The following ATRNL1 variants were observed in gnomAD, a reference collection of about 807,000 sequenced individuals.
The protein encoded by ATRNL1 is attractin-like protein 1.
A neutral mutation model predicts 182.7 loss-of-function variants in ATRNL1; 95 were observed. The observed-to-expected ratio is 0.52, with a 90% CI of 0.44 to 0.62. The LOEUF (loss-of-function observed/expected upper bound fraction) is 0.62. Ranked by LOEUF, ATRNL1 falls within the 20% of genes least tolerant of loss-of-function variation. The probability of loss-of-function intolerance (pLI) is 0.00; values close to 1 mark genes in which losing one functional copy is unlikely to be tolerated. For missense variants in ATRNL1, 1,471 were observed against 1,679.5 expected (o/e 0.88, Z 2.17); for synonymous variants, 576 against 568.3 (o/e 1.01, Z -0.19).
At chr10:115,935,466 CT>C (rs1411642090) in intron 28 of ATRNL1, among the ~76,000 whole-genome samples, 1 of 151,962 alleles carries the variant, frequency 6.6e-6, no homozygotes, top group Non-Finnish European at 1.5e-5. Flanking sequence ...TTTTGTTTTT[CT>C]TTTTCTTCTG....
intron 26 of ATRNL1, among the ~76,000 whole-genome samples, chr10:115,688,265 G>T (rs1365343925): frequency 6.6e-6 from 1 of 152,088 alleles, no homozygotes; most frequent in African/African-American, 2.4e-5. Flanking sequence ...CACGAACATT[G>T]CTGGCAGTAA....
chr10:115,807,217 G>A (rs1025789964), intron 27 of ATRNL1, among the ~76,000 whole-genome samples: 4 of 151,780 alleles, frequency 2.6e-5, no homozygotes, highest in Admixed American at 2.6e-4. Flanking sequence ...CTGGGTTCAA[G>A]TGATTCTCAT....
chr10:115,848,577 C>G (rs782071058), intron 28 of ATRNL1, among the ~76,000 whole-genome samples: 3 of 152,252 alleles, frequency 2.0e-5, no homozygotes, highest in Non-Finnish European at 4.4e-5. Flanking sequence ...TCTGATTCTC[C>G]TTTTCCTGTA....
rs190294915 is a variant in ATRNL1, at chr10:115,814,206, A to G, written c.3904-33671A>G. 2.0e-5 allele frequency among the ~76,000 whole-genome samples: 3 copies of G among 152,298 alleles called. No homozygotes were observed. The East Asian group carries it at 5.8e-4, about 29-fold the overall frequency. ...CTATATTTCAATTTAGGGAGCAAAT[A>G]TGAAAGTAAAATTAATGGATCAGTT... On this transcript the variant is annotated intron_variant, in intron 27 of 28. Transcript: ENST00000355044.
At position 115,462,024 on chromosome 10, in the gene ATRNL1, A is replaced by G. The variant is rs1847823164; in HGVS notation, c.3406A>G (p.Asn1136Asp). ...CCATACTGCCATAAACTTTATAGCA[A>G]ACCCAGAACAGGTGAGGAAAAATTG... ...RHHTAINFIA[N>D]PEQSNKNLDI... The change falls in exon 22 of 29, where the codon AAC (asparagine) becomes GAC (aspartate). Residue 1136 changes from asparagine to aspartate, a missense_variant. This residue lies in a region of ATRNL1 where 437 missense variants were observed against 506.0 expected (regional missense o/e 0.86). Transcript: ENST00000355044. The G allele has an allele frequency of 6.2e-7, 1 of 1,604,910 alleles. No homozygotes were observed. Among genetic ancestry groups the G allele is most frequent in the African/African-American group, 1.3e-5 (1 of 74,718 alleles).
chr10:115,596,419 A>G (rs1555013991), intron 26 of ATRNL1, among the ~76,000 whole-genome samples: 1 of 152,152 alleles, frequency 6.6e-6, no homozygotes, highest in Non-Finnish European at 1.5e-5. Flanking sequence ...CATTATTCTC[A>G]TTTGAATCAG....
intron 28 of ATRNL1, among the ~76,000 whole-genome samples, chr10:115,899,241 T>A (rs144277496): frequency 0.011 from 1,701 of 152,206 alleles, 24 homozygotes; most frequent in African/African-American, 0.038. Flanking sequence ...CGGTGTTTGG[T>A]TTTTTGTCCT....
At chr10:115,914,053 G>T (rs1357509955) in intron 28 of ATRNL1, among the ~76,000 whole-genome samples, 1 of 152,140 alleles carries the variant, frequency 6.6e-6, no homozygotes, top group African/African-American at 2.4e-5. Context: ...CCCCCATGCT[G>T]TTCTCATGAT....
chr10:115,417,039 A>G (rs1189104816), intron 20 of ATRNL1, among the ~76,000 whole-genome samples: 2 of 152,212 alleles, frequency 1.3e-5, no homozygotes, highest in Non-Finnish European at 1.5e-5. Flanking sequence ...GTGAAAGCCC[A>G]CTGGAGCCCA....
chr10:115,887,771 C>A (rs1450748162), intron 28 of ATRNL1, among the ~76,000 whole-genome samples: 2 of 151,720 alleles, frequency 1.3e-5, no homozygotes, highest in Admixed American at 6.6e-5. Context: ...TCTACTTTAC[C>A]CCCCATATCT....
intron 9 of ATRNL1, among the ~76,000 whole-genome samples, chr10:115,219,054 G>T (rs782024120): frequency 3.9e-5 from 6 of 152,030 alleles, no homozygotes; most frequent in Non-Finnish European, 7.4e-5. Flanking sequence ...GGCCAATATG[G>T]TGAAACCCCA....
chr10:115,746,526 A>G (rs1387671687), intron 27 of ATRNL1, among the ~76,000 whole-genome samples: 3 of 152,064 alleles, frequency 2.0e-5, no homozygotes, highest in Non-Finnish European at 4.4e-5. Context: ...ATTAAATTAT[A>G]TGAACTGTAG....
At chr10:115,674,455 A>G (rs1945797814) in intron 26 of ATRNL1, among the ~76,000 whole-genome samples, 1 of 152,076 alleles carries the variant, frequency 6.6e-6, no homozygotes, top group Non-Finnish European at 1.5e-5. Flanking sequence ...TTCTTGAATA[A>G]TATACTTTCT....
chr10:115,137,058 C>T (rs1554876846), intron 5 of ATRNL1, among the ~76,000 whole-genome samples: 1 of 152,116 alleles, frequency 6.6e-6, no homozygotes, highest in Non-Finnish European at 1.5e-5. Context: ...TTTCAAAGTA[C>T]TCTGTTTTAT....
intron 20 of ATRNL1, among the ~76,000 whole-genome samples, chr10:115,416,172 A>C (rs1845380502): frequency 6.6e-6 from 1 of 152,106 alleles, no homozygotes; most frequent in South Asian, 2.1e-4. Context: ...GTGTCCTACA[A>C]AAGAATAAAT....
intron 19 of ATRNL1, among the ~76,000 whole-genome samples, chr10:115,373,361 C>T (rs1857494742): frequency 6.6e-6 from 1 of 151,920 alleles, no homozygotes; most frequent in Non-Finnish European, 1.5e-5. Flanking sequence ...ATTTCTTTCT[C>T]TTTTCTAATT....
In ATRNL1 at chr10:115,281,404, A is replaced by G. The variant is rs1852355704; in HGVS notation, c.2150A>G (p.Asn717Ser). The G allele has an allele frequency of 8.7e-6, 14 of 1,613,506 alleles. No homozygotes were observed. The highest frequency in any genetic ancestry group is 1.2e-5 in the Non-Finnish European group (14 of 1,179,708). ...KCHVRNEQIC[N>S]KLTSCKSCSL... ...CATGTGAGAAATGAGCAGATTTGTA[A>G]CAAACTTACCAGCTGTAAAAGCTGT... Residue 717 changes from asparagine to serine, a missense_variant, in exon 14 of 29, where the codon AAC becomes AGC. Asn to Ser is a conservative substitution (Grantham distance 46). Transcript: ENST00000355044.
intron 1 of ATRNL1, among the ~76,000 whole-genome samples, chr10:115,106,161 G>A (rs782478469): frequency 6.6e-6 from 1 of 152,200 alleles, no homozygotes. Context: ...TGACCTAGAT[G>A]AGAGACCTGG....
At chr10:115,762,086 A>G (rs1456945625) in intron 27 of ATRNL1, among the ~76,000 whole-genome samples, 3 of 152,202 alleles carry the variant, frequency 2.0e-5, no homozygotes, top group Non-Finnish European at 4.4e-5. Context: ...AGCTTCTCTG[A>G]GCACTTGCTC....
Sources: gnomAD v4.1 joint callset for allele counts (sites outside exome capture counted in the v4.1 genomes callset) on GRCh38, gnomAD v4.1.1 for gene constraint, gnomAD v4.1.1 regional missense constraint, MANE v1.5 for transcripts, NCBI Gene and HGNC (gene_info 2026-07-23, HGNC 2026-07-21) for gene names.